Variants in FGF9 observed in about 807,000 individuals in gnomAD.
The protein encoded by FGF9 is fibroblast growth factor 9.
In FGF9, 3 loss-of-function variants were observed where a neutral mutation model predicts 19.9. The ratio of observed to expected loss-of-function variants is 0.15; its 90% CI spans 0.07 to 0.39. The LOEUF (loss-of-function observed/expected upper bound fraction) is 0.39, where lower values mean the gene tolerates loss of function less well. Among genes scored for constraint, FGF9 ranks in the 10% least tolerant of loss-of-function variants. The pLI is 1.00. For missense variants in FGF9, 175 were observed against 256.8 expected (o/e 0.68, Z 2.18); for synonymous variants, 107 against 106.9 (o/e 1.00, Z -0.01).
chr13:21,672,065 C>T lies in FGF9; in HGVS notation c.153C>T (p.Val51=). The T allele has an allele frequency of 6.2e-7, 1 of 1,614,222 alleles. No individual in the cohort carries two copies. Among genetic ancestry groups the T allele is most frequent in the Non-Finnish European group, 8.5e-7 (1 of 1,180,044 alleles). ...EAGGLPRGPA[V]TDLDHLKGIL... Reference sequence around the variant, plus strand: ...GGGGGCTCCCCAGGGGACCCGCAGTCACGGACTTGGATCATTTAAAGGGGA... The same window carrying T: ...GGGGGCTCCCCAGGGGACCCGCAGTTACGGACTTGGATCATTTAAAGGGGA... Residue 51 remains valine (V), a synonymous_variant, in exon 1 of 3, where the codon GTC becomes GTT. Transcript: ENST00000382353. The surrounding 1 kb of genome is among the most constrained non-coding windows in gnomAD (Gnocchi z 4.2).
chr13:21,678,617 A>G (rs961253714), intron 1 of FGF9, among the ~76,000 whole-genome samples: 3 of 152,146 alleles, frequency 2.0e-5, no homozygotes, highest in African/African-American at 7.2e-5. Context: ...CATGCACCTT[A>G]TTCTTTGTTG....
intron 2 of FGF9, among the ~76,000 whole-genome samples, chr13:21,698,112 C>T (rs1412909495): frequency 6.6e-6 from 1 of 152,156 alleles, no homozygotes; most frequent in African/African-American, 2.4e-5. Context: ...CCGGCCCCCA[C>T]GTAAGACTCT....
At chr13:21,685,023 T>C (rs1173887479) in intron 2 of FGF9, among the ~76,000 whole-genome samples, 2 of 152,188 alleles carry the variant, frequency 1.3e-5, no homozygotes, top group Non-Finnish European at 2.9e-5. Flanking sequence ...TTATCATGCC[T>C]CGTGTGGCAG....
intron 1 of FGF9, among the ~76,000 whole-genome samples, chr13:21,679,681 G>C (rs1325293924): frequency 1.3e-5 from 2 of 151,122 alleles, no homozygotes; most frequent in Non-Finnish European, 1.5e-5. Flanking sequence ...GCTCACGCCT[G>C]TAATCCCAGC....
At chr13:21,699,134 G>T (rs1593100590) in intron 2 of FGF9, among the ~76,000 whole-genome samples, 1 of 152,300 alleles carries the variant, frequency 6.6e-6, no homozygotes, top group Non-Finnish European at 1.5e-5. Context: ...CCCCAGAAGA[G>T]CACCCCTCTA....
At chr13:21,697,736 C>G (rs1412744130) in intron 2 of FGF9, among the ~76,000 whole-genome samples, 1 of 152,072 alleles carries the variant, frequency 6.6e-6, no homozygotes, top group African/African-American at 2.4e-5. Flanking sequence ...TTTTCCTGCC[C>G]TCTCCACTCA....
intron 2 of FGF9, among the ~76,000 whole-genome samples, chr13:21,699,840 T>C (rs1040272531): frequency 6.6e-6 from 1 of 152,234 alleles, no homozygotes; most frequent in Non-Finnish European, 1.5e-5. Context: ...AGAAACTATT[T>C]CTAACAAGTT....
intron 2 of FGF9, among the ~76,000 whole-genome samples, chr13:21,687,614 G>C (rs965806968): frequency 6.6e-6 from 1 of 152,214 alleles, no homozygotes; most frequent in African/African-American, 2.4e-5. Flanking sequence ...CAGGGTGCCT[G>C]TTCTGCAGAG....
At chr13:21,686,462 G>A (rs576242447) in intron 2 of FGF9, among the ~76,000 whole-genome samples, 14 of 152,258 alleles carry the variant, frequency 9.2e-5, no homozygotes, top group East Asian at 3.9e-4. Context: ...TTTAAAAAAC[G>A]TAGCTGGTAC....
rs746838387 is a variant in FGF9, at chr13:21,701,402, T to C, written c.594T>C (p.Pro198=). 1.1e-5 allele frequency: 17 copies of C among 1,613,868 alleles called. No individual in the cohort carries two copies. In the South Asian group the frequency reaches 1.6e-4, roughly 16 times the overall value. ...LPRPVDPDKV[P]ELYKDILSQS is the part of the protein sequence containing the mutation. The stretch of plus-strand genomic sequence containing the variant: ...GACCAGTGGACCCCGACAAAGTACC[T>C]GAACTGTATAAGGATATTCTAAGCC... Residue 198 remains proline, a synonymous_variant, in exon 3 of 3, where the codon CCT becomes CCC. Coordinates refer to ENST00000382353, the MANE Select transcript of FGF9 (RefSeq NM_002010.3).
At chr13:21,692,211 C>T (rs1409556071) in intron 2 of FGF9, among the ~76,000 whole-genome samples, 3 of 152,142 alleles carry the variant, frequency 2.0e-5, no homozygotes, top group African/African-American at 4.8e-5. Context: ...ATCAGCTGTC[C>T]GCTCTCAGCT....
In FGF9 at chr13:21,701,338, G is replaced by A; in HGVS notation, c.530G>A (p.Arg177Lys). The A allele has an allele frequency of 6.2e-7, 1 of 1,613,926 alleles. No homozygotes were observed. Among genetic ancestry groups the A allele is most frequent in the South Asian group, 1.1e-5 (1 of 91,026 alleles). The change falls in exon 3 of 3, where the codon AGG (arginine) becomes AAG (lysine). Residue 177 changes from arginine (R) to lysine (K), a missense_variant. Physicochemically the swap from Arg to Lys is conservative, Grantham distance 26. Coordinates refer to ENST00000382353, the MANE Select transcript of FGF9 (RefSeq NM_002010.3). ...NKDGTPREGT[R>K]TKRHQKFTHF... ...GATGGGACCCCGAGAGAAGGGACTA[G>A]GACTAAACGGCACCAGAAATTCACA... is the stretch of plus-strand genomic sequence containing the variant.
rs1351821195 is a variant in FGF9 at position 21,671,691 on chromosome 13, G to C, written c.-222G>C. Reference sequence around the variant, plus strand: ...TATGTCAGTGTGTGAGTATAAAGTGGTGGTTTCTTAGACTATCAGTGGTTT... The same window carrying C: ...TATGTCAGTGTGTGAGTATAAAGTGCTGGTTTCTTAGACTATCAGTGGTTT... On this transcript the variant is annotated 5_prime_UTR_variant, in exon 1 of 3. Coordinates refer to ENST00000382353, the MANE Select transcript of FGF9 (RefSeq NM_002010.3). 5 of 614,922 alleles carry C rather than the reference G, an allele frequency of 8.1e-6. No homozygotes were observed. In the Admixed American group the frequency reaches 1.4e-4, roughly 18 times the overall value. The allele number at this position is 614,922 out of a possible 1,614,324, so 38.1% of individuals were successfully genotyped here.
rs1872568539 is a variant in FGF9, at chr13:21,702,275, C to T, written c.*840C>T. On this transcript the variant is annotated 3_prime_UTR_variant, in exon 3 of 3. Coordinates refer to ENST00000382353, the MANE Select transcript of FGF9 (RefSeq NM_002010.3). Reference sequence around the variant, plus strand: ...TAAAGGCGACAATCTCTTTTGTGCCCATATTATTGTAAACTTATGCACATC... The same window carrying T: ...TAAAGGCGACAATCTCTTTTGTGCCTATATTATTGTAAACTTATGCACATC... 2 of 152,226 alleles carry T rather than the reference C, an allele frequency of 1.3e-5. No individual in the cohort carries two copies. The highest frequency in any genetic ancestry group is 2.4e-5 in the African/African-American group (1 of 41,544). The allele number at this position is 152,226 out of a possible 1,614,324, so 9.4% of individuals were successfully genotyped here.
chr13:21,699,498 T>TA (rs1223864969), intron 2 of FGF9, among the ~76,000 whole-genome samples: 1 of 152,184 alleles, frequency 6.6e-6, no homozygotes, highest in African/African-American at 2.4e-5. Context: ...GAGTGTGGTT[T>TA]AAGCCTTTGG....
rs955207952 is a variant in FGF9, at chr13:21,672,900, C to T, written c.277+711C>T. Among the ~76,000 whole-genome samples the T allele has an allele frequency of 6.6e-6, 1 of 152,028 alleles. No homozygotes were observed. Among genetic ancestry groups the T allele is most frequent in the East Asian group, 1.9e-4 (1 of 5,146 alleles). ...ATAGTGTGCAGCCCTGTGTAGGTCT[C>T]CTGCGTGGCTCTCTGGTGTGAGTGT... On this transcript the variant is annotated intron_variant, in intron 1 of 2. Coordinates refer to ENST00000382353, the MANE Select transcript of FGF9 (RefSeq NM_002010.3). The surrounding 1 kb of genome is among the most constrained non-coding windows in gnomAD (Gnocchi z 4.2).
chr13:21,677,253 A>G (rs1565948741), intron 1 of FGF9, among the ~76,000 whole-genome samples: 4 of 152,144 alleles, frequency 2.6e-5, no homozygotes. Flanking sequence ...CATGGTACAC[A>G]TGTGTGTGCC....
In FGF9 at chr13:21,703,136, T is replaced by C. The variant is rs1872586050; in HGVS notation, c.*1701T>C. 1 of 152,250 alleles carries C rather than the reference T, an allele frequency of 6.6e-6. No homozygotes were observed. The highest frequency in any genetic ancestry group is 6.5e-5 in the Admixed American group (1 of 15,292). 9.4% of individuals were successfully genotyped at this position (152,250 alleles called of 1,614,324 possible). On this transcript the variant is annotated 3_prime_UTR_variant, in exon 3 of 3. Coordinates refer to ENST00000382353, the MANE Select transcript of FGF9 (RefSeq NM_002010.3). ...TTTATAACAAATTCTCATCTACATA[T>C]GACACTTTCTAGCCAGTTGTGTTGA...
rs1366332994 is a variant in FGF9 at position 21,701,332 on chromosome 13, G to C, written c.524G>C (p.Gly175Ala). 1 of 1,613,626 alleles carries C rather than the reference G, an allele frequency of 6.2e-7. No individual in the cohort carries two copies. The highest frequency in any genetic ancestry group is 8.5e-7 in the Non-Finnish European group (1 of 1,179,944). Residue 175 changes from glycine (G) to alanine (A), a missense_variant, in exon 3 of 3, where the codon GGG (glycine) becomes GCG (alanine). Transcript: ENST00000382353. Reference protein sequence around the residue: ...ALNKDGTPREGTRTKRHQKFT... With the variant: ...ALNKDGTPREATRTKRHQKFT... Reference sequence around the variant, plus strand: ...AATAAAGATGGGACCCCGAGAGAAGGGACTAGGACTAAACGGCACCAGAAA... The same window carrying C: ...AATAAAGATGGGACCCCGAGAGAAGCGACTAGGACTAAACGGCACCAGAAA...
Sources: gnomAD v4.1 joint callset for allele counts (sites outside exome capture counted in the v4.1 genomes callset) on GRCh38, gnomAD v4.1.1 for gene constraint, Gnocchi (gnomAD v3.1) non-coding constraint, MANE v1.5 for transcripts, NCBI Gene and HGNC (gene_info 2026-07-23, HGNC 2026-07-21) for gene names.